Variants in NRXN1 observed in about 807,000 individuals in gnomAD.
The protein encoded by NRXN1 is neurexin-1.
In NRXN1, 39 loss-of-function variants were observed where a neutral mutation model predicts 150.9. That is an observed-to-expected ratio of 0.26 (90% CI 0.20 to 0.34). The LOEUF (loss-of-function observed/expected upper bound fraction) is 0.34, where lower values mean the gene tolerates loss of function less well. Among genes scored for constraint, NRXN1 ranks in the 10% least tolerant of loss-of-function variants. NRXN1 has a pLI of 1.00. For synonymous variants in NRXN1, 924 were observed against 757.0 expected (o/e 1.22, Z -3.62); for missense variants, 1,815 against 1,949.9 (o/e 0.93, Z 1.30).
intron 2 of NRXN1, among the ~76,000 whole-genome samples, chr2:50,958,978 C>T (rs1038011347): frequency 3.9e-5 from 6 of 151,984 alleles, no homozygotes; most frequent in Admixed American, 6.6e-5. Flanking sequence ...TAGATTTTGT[C>T]GTAGTGTCTT....
chr2:50,176,185 T>C (rs527636474), intron 18 of NRXN1, among the ~76,000 whole-genome samples: 16 of 152,184 alleles, frequency 1.1e-4, no homozygotes, highest in Non-Finnish European at 2.1e-4. Flanking sequence ...GAAACCTTGA[T>C]ATATGTTTTT....
chr2:50,269,092 C>T (rs998711070), intron 17 of NRXN1, among the ~76,000 whole-genome samples: 5 of 151,036 alleles, frequency 3.3e-5, no homozygotes, highest in African/African-American at 7.3e-5. Context: ...TCATTTTTTA[C>T]ATGGGGAAAC....
chr2:50,974,857 T>C (rs1391638414), intron 2 of NRXN1, among the ~76,000 whole-genome samples: 1 of 152,098 alleles, frequency 6.6e-6, no homozygotes, highest in African/African-American at 2.4e-5. Context: ...TTAAATTTCA[T>C]TTAAAATTTG....
intron 17 of NRXN1, among the ~76,000 whole-genome samples, chr2:50,309,663 C>T (rs760163713): frequency 3.3e-5 from 5 of 152,060 alleles, no homozygotes; most frequent in Non-Finnish European, 5.9e-5. Context: ...GGAAGAGAGG[C>T]GACATGCTTC....
intron 18 of NRXN1, among the ~76,000 whole-genome samples, chr2:50,235,682 T>C (rs1277580833): frequency 6.6e-6 from 1 of 152,096 alleles, no homozygotes; most frequent in African/African-American, 2.4e-5. Flanking sequence ...CATGATGACC[T>C]AATCAAATGT....
intron 2 of NRXN1, among the ~76,000 whole-genome samples, chr2:50,962,622 T>C (rs1377723978): frequency 1.3e-5 from 2 of 151,698 alleles, no homozygotes; most frequent in African/African-American, 2.4e-5. Flanking sequence ...TTGTCTTATG[T>C]CAGCTTTCTT....
chr2:50,588,296 T>C (rs906894989), intron 8 of NRXN1, among the ~76,000 whole-genome samples: 2 of 152,154 alleles, frequency 1.3e-5, no homozygotes, highest in Non-Finnish European at 2.9e-5. Context: ...AAAAATAGAA[T>C]CTGAGCCTTA....
intron 5 of NRXN1, among the ~76,000 whole-genome samples, chr2:50,899,190 C>G (rs1682516661): frequency 6.6e-6 from 1 of 152,144 alleles, no homozygotes; most frequent in Admixed American, 6.5e-5. Context: ...TCCAAGCTCA[C>G]AAAATTTAAC....
At chr2:50,356,072 AAAAG>A (rs2078791571) in intron 17 of NRXN1, among the ~76,000 whole-genome samples, 1 of 152,280 alleles carries the variant, frequency 6.6e-6, no homozygotes, top group African/African-American at 2.4e-5. Context: ...TTCAAAAAAA[AAAAG>A]AAAGTACTGC....
intron 17 of NRXN1, among the ~76,000 whole-genome samples, chr2:50,302,179 T>C (rs2074215003): frequency 6.6e-6 from 1 of 152,166 alleles, no homozygotes; most frequent in Admixed American, 6.5e-5. Flanking sequence ...TGACAAAGAT[T>C]AGGGCCATCT....
intron 2 of NRXN1, among the ~76,000 whole-genome samples, chr2:50,996,808 G>A (rs1162550028): frequency 1.3e-5 from 2 of 151,966 alleles, no homozygotes; most frequent in Admixed American, 6.6e-5. Flanking sequence ...TGTAGAAGAT[G>A]GAAAGTTAAA....
chr2:50,078,351 A>T (rs1419915224), intron 19 of NRXN1, among the ~76,000 whole-genome samples: 2 of 150,024 alleles, frequency 1.3e-5, no homozygotes, highest in African/African-American at 4.9e-5. Flanking sequence ...TTTTAGGTGG[A>T]AACCATTTCT....
At chr2:50,883,216 G>C (rs970296789) in intron 5 of NRXN1, among the ~76,000 whole-genome samples, 1 of 151,738 alleles carries the variant, frequency 6.6e-6, no homozygotes, top group Non-Finnish European at 1.5e-5. Context: ...GAATAATTAA[G>C]AGTAAATCCG....
chr2:50,376,770 G>A (rs1353750930), intron 17 of NRXN1, among the ~76,000 whole-genome samples: 1 of 152,022 alleles, frequency 6.6e-6, no homozygotes, highest in Non-Finnish European at 1.5e-5. Context: ...CTAGGATAAA[G>A]AATCACAGAT....
intron 17 of NRXN1, among the ~76,000 whole-genome samples, chr2:50,434,525 G>A (rs1438730029): frequency 2.0e-5 from 3 of 152,096 alleles, no homozygotes; most frequent in African/African-American, 7.2e-5. Context: ...GAGCTACTGT[G>A]AGTAAGTGAC....
rs565799458 is a variant in NRXN1, at chr2:50,892,285, G to A, written c.832+29584C>T. 2.6e-5 allele frequency among the ~76,000 whole-genome samples: 4 copies of A among 152,150 alleles called. No individual in the cohort carries two copies. The South Asian group carries it at 6.2e-4, about 24-fold the overall frequency. On this transcript the variant is annotated intron_variant, in intron 5 of 22. Transcript: ENST00000401669. ...CTTCATTAAATGAAGTTTTGAGAAT[G>A]GAAATAAAATACTGAGAATAATTGT...
intron 15 of NRXN1, among the ~76,000 whole-genome samples, chr2:50,474,543 G>C (rs1185966923): frequency 6.6e-6 from 1 of 151,694 alleles, no homozygotes; most frequent in Non-Finnish European, 1.5e-5. Flanking sequence ...AGAACTAAGA[G>C]GGAGCAGTGA....
intron 5 of NRXN1, among the ~76,000 whole-genome samples, chr2:50,683,646 A>AAAAAAAAATATATATATATATATATATAT: frequency 1.3e-4 from 2 of 14,906 alleles, no homozygotes; most frequent in Non-Finnish European, 2.2e-4. Flanking sequence ...AAAAAAAAAA[A>AAAAAAAAATATATATATATATATATATAT]ATATATATAT....
intron 17 of NRXN1, chr2:50,464,093 T>C (rs896173413): frequency 1.5e-4 from 22 of 151,694 alleles, no homozygotes; most frequent in Admixed American, 3.3e-4. Flanking sequence ...TAAGACTTTA[T>C]GTAAAGTTGT....
Sources: allele counts gnomAD v4.1 joint callset (sites outside exome capture counted in the v4.1 genomes callset), GRCh38; gene constraint gnomAD v4.1.1; transcripts MANE v1.5; gene names NCBI Gene and HGNC (gene_info 2026-07-23, HGNC 2026-07-21).